The following COPA variants were observed in gnomAD, a reference collection of about 807,000 sequenced individuals.
The protein encoded by COPA is coatomer subunit alpha.
In COPA, 10 loss-of-function variants were observed where a neutral mutation model predicts 158.7. The observed-to-expected ratio is 0.06, with a 90% CI of 0.04 to 0.11. The LOEUF is 0.11. COPA is among the 10% of genes least tolerant of loss of function. The pLI, the probability that COPA is intolerant of heterozygous loss-of-function variation, is 1.00. For missense variants in COPA, 1,065 were observed against 1,536.7 expected, an observed-to-expected ratio of 0.69 and a Z score of 5.13; for synonymous variants, 462 against 542.8, an observed-to-expected ratio of 0.85 and a Z score of 2.07.
intron 7 of COPA, among the ~76,000 whole-genome samples, chr1:160,325,185 C>G (rs1190815236): frequency 1.3e-5 from 2 of 151,524 alleles, no homozygotes; most frequent in Non-Finnish European, 2.9e-5. Flanking sequence ...TTTCTGTTTT[C>G]CCACCTGCAC....
intron 23 of COPA, 69 bp from the exon 24 acceptor site, chr1:160,294,926 G>A: frequency 4.4e-6 from 6 of 1,366,008 alleles, no homozygotes; most frequent in Non-Finnish European, 6.2e-6. Context: ...CTTTTCTGTA[G>A]GCAGGTTAAA....
chr1:160,294,877 A>T lies in COPA; in HGVS notation c.2477-20T>A. On this transcript the variant is annotated intron_variant, in intron 23 of 32. Transcript: ENST00000241704. ...CCTTCCCTACAGAGGGAAGGAACAGAACGGAACTGGTTATAGTCCAGCAAG... is the reference window on the plus strand; with the variant it reads ...CCTTCCCTACAGAGGGAAGGAACAGTACGGAACTGGTTATAGTCCAGCAAG... 1.2e-6 allele frequency: 2 copies of T among 1,608,780 alleles called. No individual in the cohort carries two copies. The highest frequency in any genetic ancestry group is 1.7e-6 in the Non-Finnish European group (2 of 1,175,204).
In COPA at chr1:160,339,150, ATC is replaced by A. The variant is rs1557877517; in HGVS notation, c.228+757_228+758del. Among the ~76,000 whole-genome samples the A allele has an allele frequency of 4.2e-5, 5 of 118,160 alleles. No homozygotes were observed. The East Asian group carries it at 1.2e-3, about 28-fold the overall frequency. The allele number at this position is 118,160 out of a possible 152,430, so 77.5% of individuals were successfully genotyped here. On this transcript the variant is annotated intron_variant, in intron 3 of 32. Transcript: ENST00000241704. Reference sequence around the variant, plus strand: ...TGGCCCTTATTTCTCCTTATTGGCCATCTCATTTATTTCTCCTTATTGGCCAT... The same window carrying A: ...TGGCCCTTATTTCTCCTTATTGGCCATCATTTATTTCTCCTTATTGGCCAT...
chr1:160,317,996 A>G (rs529683834), intron 8 of COPA, among the ~76,000 whole-genome samples: 13 of 152,332 alleles, frequency 8.5e-5, no homozygotes, highest in African/African-American at 3.1e-4. Flanking sequence ...GTGGTGATAA[A>G]TAAGATTGAC....
intron 3 of COPA, 86 bp downstream of exon 3, chr1:160,339,823 T>C: frequency 8.0e-7 from 1 of 1,257,078 alleles, no homozygotes. Flanking sequence ...ATGAATGAAA[T>C]TTCCTGTCTT....
chr1:160,327,270 C>T (rs79576007), intron 6 of COPA, among the ~76,000 whole-genome samples: 2,701 of 152,318 alleles, frequency 0.018, 78 homozygotes, highest in African/African-American at 0.061. Context: ...GGCGCAGTGG[C>T]TCACGCCTGT....
At chr1:160,305,915 T>G (rs1465837984) in intron 15 of COPA, 142 bp from the exon 16 acceptor site, 1 of 714,886 alleles carries the variant, frequency 1.4e-6, no homozygotes, top group Non-Finnish European at 2.4e-6. Context: ...TTAATGTAAT[T>G]CCTACATAGT....
rs755236228 is a variant in COPA, at chr1:160,294,563, C to T, written c.2597G>A (p.Gly866Glu). The T allele has an allele frequency of 1.2e-6, 2 of 1,614,190 alleles. No homozygotes were observed. Among genetic ancestry groups the T allele is most frequent in the South Asian group, 2.2e-5 (2 of 91,080 alleles). Reference protein sequence around the residue: ...DGFVEATEGLGDDALGKGQEE... With the variant: ...DGFVEATEGLEDDALGKGQEE... ...CTGTCCCTTGCCAAGAGCATCATCCCCCAAACCTTCTGTAGCCTCCACAAA... is the reference window on the plus strand; with the variant it reads ...CTGTCCCTTGCCAAGAGCATCATCCTCCAAACCTTCTGTAGCCTCCACAAA... The change falls in exon 25 of 33, where the codon GGG becomes GAG. Residue 866 changes from glycine (G) to glutamate (E), a missense_variant. Physicochemically the swap from Gly to Glu is moderately conservative, Grantham distance 98. This residue lies in a region of COPA where 980 missense variants were observed against 1,357.8 expected (regional missense o/e 0.72). Transcript: ENST00000241704.
chr1:160,303,984 C>T (rs369967935), intron 17 of COPA, among the ~76,000 whole-genome samples: 157 of 152,054 alleles, frequency 1.0e-3, no homozygotes, highest in African/African-American at 3.6e-3. Context: ...ATAAGTCTCA[C>T]CAAACTTGTC....
At chr1:160,328,150 C>T (rs914371356) in intron 6 of COPA, among the ~76,000 whole-genome samples, 3 of 152,114 alleles carry the variant, frequency 2.0e-5, no homozygotes, top group Admixed American at 6.5e-5. Flanking sequence ...AATACTTTAT[C>T]GCTGGGATGC....
chr1:160,295,657 C>G, intron 23 of COPA, 79 bp downstream of exon 23: 1 of 1,362,314 alleles, frequency 7.3e-7, no homozygotes, highest in Non-Finnish European at 9.7e-7. Context: ...ACAAGTTAAA[C>G]TAAATGCTAA....
intron 8 of COPA, 117 bp from the exon 9 acceptor site, chr1:160,314,242 A>G: frequency 9.4e-7 from 1 of 1,067,672 alleles, no homozygotes. Context: ...CTAAATTGCC[A>G]ACTTCTTTCT....
chr1:160,327,413 T>C (rs951711086), intron 6 of COPA, among the ~76,000 whole-genome samples: 1 of 143,964 alleles, frequency 6.9e-6, no homozygotes, highest in African/African-American at 2.6e-5. Context: ...GGCGCATGCC[T>C]GTAATCCCAG....
chr1:160,295,891 A>G (rs1372944508), intron 22 of COPA, 32 bp from the exon 23 acceptor site: 6 of 1,589,520 alleles, frequency 3.8e-6, no homozygotes, highest in Non-Finnish European at 5.1e-6. Flanking sequence ...GCTAAAAACA[A>G]ATAGCACTTG....
intron 8 of COPA, among the ~76,000 whole-genome samples, chr1:160,317,945 CAG>C (rs1659199683): frequency 6.6e-6 from 1 of 152,112 alleles, no homozygotes; most frequent in African/African-American, 2.4e-5. Flanking sequence ...TACGTGTGCA[CAG>C]AGAGCCCACC....
At chr1:160,324,837 T>C (rs1236440077) in intron 7 of COPA, among the ~76,000 whole-genome samples, 1 of 152,204 alleles carries the variant, frequency 6.6e-6, no homozygotes, top group African/African-American at 2.4e-5. Flanking sequence ...CCAAAAAGTT[T>C]AAGAACTGCT....
At chr1:160,299,402 C>T in intron 17 of COPA, 138 bp from the exon 18 acceptor site, 1 of 827,562 alleles carries the variant, frequency 1.2e-6, no homozygotes, top group Non-Finnish European at 1.8e-6. Context: ...CAAAAAAGAG[C>T]AGAACTAAAT....
chr1:160,302,401 A>C (rs534902552), intron 17 of COPA, among the ~76,000 whole-genome samples: 2 of 152,150 alleles, frequency 1.3e-5, no homozygotes, highest in Non-Finnish European at 2.9e-5. Context: ...ACCTAAATGA[A>C]TGAAGAGCTG....
chr1:160,317,674 C>G, intron 8 of COPA: 1 of 1,511,098 alleles, frequency 6.6e-7, no homozygotes. Context: ...TGAAGTTTAT[C>G]AGGAACAAAT....
Sources: gnomAD v4.1 joint callset for allele counts (sites outside exome capture counted in the v4.1 genomes callset) on GRCh38, gnomAD v4.1.1 for gene constraint, gnomAD v4.1.1 regional missense constraint, MANE v1.5 for transcripts, NCBI Gene and HGNC (gene_info 2026-07-23, HGNC 2026-07-21) for gene names.